SPTLC2: variants seen among roughly 807,000 people sequenced by gnomAD.
The protein encoded by SPTLC2 is serine palmitoyltransferase long chain base subunit 2.
In SPTLC2, 21 loss-of-function variants were observed where a neutral mutation model predicts 62.0. That is an observed-to-expected ratio of 0.34 (90% CI 0.24 to 0.49). The LOEUF is 0.49. Ranked by LOEUF, SPTLC2 falls within the 20% of genes least tolerant of loss-of-function variation. The pLI is 0.99. For synonymous variants in SPTLC2, 261 were observed against 261.8 expected (o/e 1.00, Z 0.03); for missense variants, 511 against 713.0 (o/e 0.72, Z 3.23).
At chr14:77,512,763 T>G (rs1469870741) in intron 11 of SPTLC2, among the ~76,000 whole-genome samples, 1 of 152,254 alleles carries the variant, frequency 6.6e-6, no homozygotes, top group Non-Finnish European at 1.5e-5. Flanking sequence ...TTGCTCAGGC[T>G]GGAGTGCTGT....
chr14:77,554,146 A>G (rs1272929947), intron 8 of SPTLC2, among the ~76,000 whole-genome samples: 4 of 152,168 alleles, frequency 2.6e-5, no homozygotes, highest in Non-Finnish European at 5.9e-5. Flanking sequence ...CCGAATATTG[A>G]GTGGTGAAGC....
intron 9 of SPTLC2, among the ~76,000 whole-genome samples, chr14:77,529,275 T>A (rs1178541694): frequency 1.1e-3 from 142 of 132,038 alleles, no homozygotes; most frequent in South Asian, 2.8e-3. Flanking sequence ...TTTTTTTTTT[T>A]AACAAATATG....
rs555906741 is a variant in SPTLC2 at position 77,537,197 on chromosome 14, C to T, written c.1303+14899G>A. Among the ~76,000 whole-genome samples, 128 of 151,804 alleles carry T rather than the reference C, an allele frequency of 8.4e-4. 1 individual carries two copies. Among genetic ancestry groups the T allele is most frequent in the African/African-American group, 3.0e-3 (124 of 41,346 alleles). The stretch of plus-strand genomic sequence containing the variant: ...CCTCACAAAGTGCTAGGATTACAGA[C>T]GTGAGCCACTGCACCTGGCCTATGT... On this transcript the variant is annotated intron_variant, in intron 9 of 11. Transcript: ENST00000216484.
chr14:77,595,375 G>T (rs113297170), intron 2 of SPTLC2, among the ~76,000 whole-genome samples: 1 of 151,928 alleles, frequency 6.6e-6, no homozygotes, highest in Non-Finnish European at 1.5e-5. Context: ...AAAAAATAAT[G>T]ATAATAAAAT....
intron 2 of SPTLC2, among the ~76,000 whole-genome samples, chr14:77,596,281 G>A (rs887890132): frequency 1.3e-5 from 2 of 151,810 alleles, no homozygotes; most frequent in African/African-American, 4.8e-5. Context: ...GGAGCTTGCA[G>A]TGAGCCGAGA....
intron 2 of SPTLC2, among the ~76,000 whole-genome samples, chr14:77,594,354 A>G (rs1211063952): frequency 6.6e-6 from 1 of 152,230 alleles, no homozygotes; most frequent in African/African-American, 2.4e-5. Flanking sequence ...TAAACATGAA[A>G]CAAGTTCCAA....
In SPTLC2 at chr14:77,576,933, A is replaced by T; in HGVS notation, c.483-18T>A. Reference sequence around the variant, plus strand: ...CTGTATACCTGTGCATCAATAGCATAAAACAATGAAACTCATGAGCAAAAA... The same window carrying T: ...CTGTATACCTGTGCATCAATAGCATTAAACAATGAAACTCATGAGCAAAAA... On this transcript the variant is annotated intron_variant, in intron 3 of 11. Transcript: ENST00000216484. 1.2e-6 allele frequency: 2 copies of T among 1,614,068 alleles called. No individual in the cohort carries two copies. The highest frequency in any genetic ancestry group is 1.7e-6 in the Non-Finnish European group (2 of 1,179,990).
chr14:77,591,721 TG>T (rs879729215), intron 2 of SPTLC2, among the ~76,000 whole-genome samples: 26,434 of 147,386 alleles, frequency 0.18, 3,094 homozygotes, highest in East Asian at 0.59. Context: ...TATGTATGTA[TG>T]TATGTATGTA....
intron 6 of SPTLC2, among the ~76,000 whole-genome samples, chr14:77,557,564 C>A (rs1318362699): frequency 6.6e-6 from 1 of 152,204 alleles, no homozygotes; most frequent in African/African-American, 2.4e-5. Flanking sequence ...TAAACCATCA[C>A]AGACACATAC....
At chr14:77,602,548 C>G (rs867970287) in intron 1 of SPTLC2, among the ~76,000 whole-genome samples, 1 of 137,512 alleles carries the variant, frequency 7.3e-6, no homozygotes, top group Non-Finnish European at 1.6e-5. Flanking sequence ...AGGTTTGTTT[C>G]TTTTTTTTTT....
intron 2 of SPTLC2, among the ~76,000 whole-genome samples, chr14:77,588,946 G>A (rs1413750000): frequency 1.5e-5 from 2 of 133,426 alleles, no homozygotes; most frequent in South Asian, 2.6e-4. Context: ...GCAGTGAGCT[G>A]AGATTGTGCC....
intron 1 of SPTLC2, among the ~76,000 whole-genome samples, chr14:77,613,486 T>C (rs1250946073): frequency 1.3e-5 from 2 of 152,250 alleles, no homozygotes; most frequent in African/African-American, 2.4e-5. Flanking sequence ...TAAACAGCAA[T>C]GTGTGATTGT....
At chr14:77,534,216 A>ATG (rs1555373969) in intron 9 of SPTLC2, among the ~76,000 whole-genome samples, 13 of 146,478 alleles carry the variant, frequency 8.9e-5, no homozygotes, top group African/African-American at 2.8e-4. Flanking sequence ...ACACACACAC[A>ATG]CACAAATGCA....
chr14:77,529,284 T>C (rs1001239961), intron 9 of SPTLC2, among the ~76,000 whole-genome samples: 1 of 150,120 alleles, frequency 6.7e-6, no homozygotes, highest in African/African-American at 2.5e-5. Flanking sequence ...TTAACAAATA[T>C]GCCTTTTCTA....
Position 77,557,176 on chromosome 14 carries a change from C to G in SPTLC2, c.851-30G>C, listed in dbSNP as rs2272587. The G allele has an allele frequency of 0.55, 856,017 of 1,551,308 alleles. 246,242 individuals are homozygous for G. Among genetic ancestry groups the G allele is most frequent in the East Asian group, 0.89 (39,590 of 44,608 alleles). On this transcript the variant is annotated intron_variant, in intron 6 of 11. Coordinates refer to ENST00000216484, the MANE Select transcript of SPTLC2 (RefSeq NM_004863.4). ...AGAGCACAAAAAAGAACAGTTATAC[C>G]GCATCTTCCTCTTTCCTAACTTTAT...
chr14:77,571,346 C>T (rs1267236909), intron 4 of SPTLC2, among the ~76,000 whole-genome samples: 2 of 151,954 alleles, frequency 1.3e-5, no homozygotes, highest in East Asian at 3.9e-4. Context: ...CTTGTCTCTA[C>T]TCAAAATACA....
chr14:77,514,834 C>G (rs1047128848), intron 11 of SPTLC2, among the ~76,000 whole-genome samples: 1 of 152,160 alleles, frequency 6.6e-6, no homozygotes, highest in African/African-American at 2.4e-5. Context: ...TGGCTGCCAC[C>G]AATCTATTTT....
chr14:77,552,196 A>G lies in SPTLC2; in HGVS notation c.1203T>C (p.His401=), dbSNP rs751416317. 36 of 1,614,006 alleles carry G rather than the reference A, an allele frequency of 2.2e-5. 1 individual carries two copies. In the East Asian group the frequency reaches 7.1e-4, roughly 32 times the overall value. The change falls in exon 9 of 12, where the codon CAT becomes CAC. Residue 401 remains histidine (H), a synonymous_variant. Transcript: ENST00000216484. ...KKELIDYLRT[H]SHSAVYATSL... is the part of the protein sequence containing the mutation. ...ACGTGGCATACACTGCACTATGAGA[A>G]TGTGTTCGCAGGTAGTCTATCAGCT...
Position 77,557,124 on chromosome 14 carries a change from T to C in SPTLC2, c.873A>G (p.Leu291=), listed in dbSNP as rs2079588503. 3.1e-6 allele frequency: 5 copies of C among 1,613,680 alleles called. No individual in the cohort carries two copies. The highest frequency in any genetic ancestry group is 3.4e-6 in the Non-Finnish European group (4 of 1,180,008). ...GACCATAAACAATGGCATCTTTCAA[T>C]AGCTTCTCTAGGCTTTGCATATCTA... ...KHNNMQSLEK[L]LKDAIVYGQP... The change falls in exon 7 of 12, where the codon CTA becomes CTG. Residue 291 remains leucine (L), a synonymous_variant. Transcript: ENST00000216484.
Sources: gnomAD v4.1 joint callset for allele counts (sites outside exome capture counted in the v4.1 genomes callset) on GRCh38, gnomAD v4.1.1 for gene constraint, MANE v1.5 for transcripts, NCBI Gene and HGNC (gene_info 2026-07-23, HGNC 2026-07-21) for gene names.